TASP1: variants seen among roughly 807,000 people sequenced by gnomAD.
The protein encoded by TASP1 is threonine aspartase 1.
In TASP1, 16 loss-of-function variants were observed where a neutral mutation model predicts 56.6. The observed-to-expected ratio is 0.28, with a 90% CI of 0.19 to 0.43. The LOEUF (loss-of-function observed/expected upper bound fraction) is 0.43, where lower values mean the gene tolerates loss of function less well. TASP1 is among the 20% of genes least tolerant of loss of function. The pLI is 1.00. For synonymous variants in TASP1, 179 were observed against 184.2 expected, an observed-to-expected ratio of 0.97 and a Z score of 0.23; for missense variants, 393 against 511.6, an observed-to-expected ratio of 0.77 and a Z score of 2.24.
At chr20:13,548,231 T>G (rs1305922659) in intron 8 of TASP1, among the ~76,000 whole-genome samples, 1 of 152,022 alleles carries the variant, frequency 6.6e-6, no homozygotes, top group Non-Finnish European at 1.5e-5. Flanking sequence ...AAAATCAAAC[T>G]GTACTTTTAG....
At chr20:13,591,963 T>C (rs1486968427) in intron 4 of TASP1, among the ~76,000 whole-genome samples, 1 of 151,978 alleles carries the variant, frequency 6.6e-6, no homozygotes, top group Admixed American at 6.6e-5. Context: ...GTATAGCTAA[T>C]AGGACAAAAG....
the TASP1 span, among the ~76,000 whole-genome samples, chr20:13,218,394 ATG>A: frequency 6.6e-6 from 1 of 152,192 alleles, no homozygotes. Context: ...TACCTAGAAA[ATG>A]TCTCATAGCC....
At chr20:13,331,277 T>C in the TASP1 span, among the ~76,000 whole-genome samples, 1 of 152,216 alleles carries the variant, frequency 6.6e-6, no homozygotes, top group African/African-American at 2.4e-5. Flanking sequence ...TTAAACATAT[T>C]TTAGTGTTCT....
chr20:13,614,082 T>C (rs2048441229), intron 4 of TASP1, among the ~76,000 whole-genome samples: 1 of 152,178 alleles, frequency 6.6e-6, no homozygotes. Context: ...TGATCAAAGT[T>C]GGAATGTCTG....
the TASP1 span, among the ~76,000 whole-genome samples, chr20:13,285,178 C>A: frequency 6.6e-6 from 1 of 152,120 alleles, no homozygotes; most frequent in South Asian, 2.1e-4. Flanking sequence ...GTAGTCCCAG[C>A]TACTCAGGAG....
chr20:13,296,974 T>A, the TASP1 span, among the ~76,000 whole-genome samples: 1 of 151,428 alleles, frequency 6.6e-6, no homozygotes. Context: ...GCTGAGATCA[T>A]GCCACTGCAT....
chr20:13,127,560 T>C, the TASP1 span, among the ~76,000 whole-genome samples: 1 of 152,216 alleles, frequency 6.6e-6, no homozygotes, highest in Non-Finnish European at 1.5e-5. Context: ...GTTTTCAATA[T>C]TATTAAAGCA....
chr20:13,132,666 C>T, the TASP1 span, among the ~76,000 whole-genome samples: 1 of 152,142 alleles, frequency 6.6e-6, no homozygotes, highest in Non-Finnish European at 1.5e-5. Flanking sequence ...TTCTCGCTAT[C>T]CCTCTTACCT....
At chr20:13,153,990 T>C in the TASP1 span, 26 of 1,612,866 alleles carry the variant, frequency 1.6e-5, no homozygotes, top group Middle Eastern at 8.3e-4. Flanking sequence ...ATTTCACGCC[T>C]GTCTCTTTTC....
At chr20:13,288,652 A>T in the TASP1 span, 5 of 1,614,022 alleles carry the variant, frequency 3.1e-6, no homozygotes, top group Non-Finnish European at 4.2e-6. Flanking sequence ...CTGCAACAGA[A>T]TCGAGGACCT....
At chr20:13,373,813 T>C in the TASP1 span, among the ~76,000 whole-genome samples, 1 of 152,202 alleles carries the variant, frequency 6.6e-6, no homozygotes, top group Non-Finnish European at 1.5e-5. Flanking sequence ...TTTCAGCTGC[T>C]ATTTCTTCAA....
At chr20:13,259,991 T>C in the TASP1 span, among the ~76,000 whole-genome samples, 2 of 152,208 alleles carry the variant, frequency 1.3e-5, no homozygotes, top group Admixed American at 1.3e-4. Flanking sequence ...AATGAATCCA[T>C]GAATAGAGCT....
At chr20:13,439,400 G>A (rs1033083227) in intron 11 of TASP1, among the ~76,000 whole-genome samples, 4 of 152,150 alleles carry the variant, frequency 2.6e-5, no homozygotes, top group South Asian at 4.1e-4. Context: ...GCAAACTATC[G>A]CAAGGACAAA....
intron 11 of TASP1, among the ~76,000 whole-genome samples, chr20:13,450,733 T>C (rs2043586415): frequency 6.6e-6 from 1 of 152,128 alleles, no homozygotes; most frequent in Non-Finnish European, 1.5e-5. Context: ...AAGTCATCAA[T>C]GAGGGTTAGA....
the TASP1 span, among the ~76,000 whole-genome samples, chr20:13,221,219 A>ACTCCTACTC: frequency 7.3e-5 from 6 of 82,722 alleles, no homozygotes; most frequent in Admixed American, 1.3e-4. Context: ...AAGCCCTCCT[A>ACTCCTACTC]CTCCTCCTCC....
At chr20:13,407,550 T>A (rs1270443034) in intron 13 of TASP1, among the ~76,000 whole-genome samples, 1 of 152,198 alleles carries the variant, frequency 6.6e-6, no homozygotes, top group African/African-American at 2.4e-5. Context: ...TATGCACAAG[T>A]TTTCATGTGG....
At chr20:13,355,509 C>A in the TASP1 span, among the ~76,000 whole-genome samples, 1 of 152,212 alleles carries the variant, frequency 6.6e-6, no homozygotes, top group African/African-American at 2.4e-5. Context: ...AATACTAAAT[C>A]TTTGTTCCAT....
the TASP1 span, chr20:13,168,611 A>C: frequency 2.0e-5 from 3 of 152,202 alleles, no homozygotes; most frequent in African/African-American, 7.2e-5. Flanking sequence ...AACGAACAAT[A>C]TTCTTTTGTA....
rs2046190577 is a variant in TASP1, at chr20:13,557,298, C to A, written c.675+1710G>T. On this transcript the variant is annotated intron_variant, in intron 8 of 13. Transcript: ENST00000337743. ...AATAAAAAAGAATAAATCGGTGATA[C>A]AATGTCTAATAAAAGCTTTCTGTGA... Among the ~76,000 whole-genome samples, 3 of 152,154 alleles carry A rather than the reference C, an allele frequency of 2.0e-5. No homozygotes were observed. The South Asian group carries it at 6.2e-4, about 32-fold the overall frequency.
Sources: allele counts gnomAD v4.1 joint callset (sites outside exome capture counted in the v4.1 genomes callset), GRCh38; gene constraint gnomAD v4.1.1; transcripts MANE v1.5; gene names NCBI Gene and HGNC (gene_info 2026-07-23, HGNC 2026-07-21).